The following C5orf46 variants were observed in gnomAD, a reference collection of about 807,000 sequenced individuals.
The protein encoded by C5orf46 is uncharacterized protein C5orf46.
Under a neutral mutation model 8.9 loss-of-function variants are expected in C5orf46, and 9 were observed. The ratio of observed to expected loss-of-function variants is 1.01; its 90% CI spans 0.61 to 1.76. The LOEUF (loss-of-function observed/expected upper bound fraction) is 1.76, where lower values mean the gene tolerates loss of function less well. Ranked by LOEUF, C5orf46 falls within the 40% of genes most tolerant of loss-of-function variation. The probability of loss-of-function intolerance (pLI) is 0.00; values close to 1 mark genes in which losing one functional copy is unlikely to be tolerated. For missense variants in C5orf46, 98 were observed against 107.8 expected (o/e 0.91, Z 0.40); for synonymous variants, 47 against 41.4 (o/e 1.14, Z -0.52).
chr5:147,897,710 T>C (rs375546966), intron 2 of C5orf46, among the ~76,000 whole-genome samples: 5 of 152,240 alleles, frequency 3.3e-5, no homozygotes, highest in African/African-American at 1.2e-4. Flanking sequence ...TCCCTGAATA[T>C]GAAAAACTGA....
intron 2 of C5orf46, among the ~76,000 whole-genome samples, chr5:147,900,196 A>G (rs1757645318): frequency 1.3e-5 from 2 of 152,172 alleles, no homozygotes; most frequent in African/African-American, 4.8e-5. Context: ...TCTTGTTTAC[A>G]TTAACAGTCT....
intron 2 of C5orf46, chr5:147,886,480 T>C (rs1398042073): frequency 2.0e-5 from 3 of 151,010 alleles, no homozygotes; most frequent in Non-Finnish European, 3.0e-5. Context: ...ATATGGAATA[T>C]AATTAACATG....
chr5:147,895,200 C>A (rs1757562630), intron 3 of C5orf46, among the ~76,000 whole-genome samples: 1 of 152,146 alleles, frequency 6.6e-6, no homozygotes, highest in African/African-American at 2.4e-5. Flanking sequence ...AGGTGGGCAT[C>A]CAAGTGATCA....
chr5:147,903,272 G>T (rs543127477), intron 1 of C5orf46, among the ~76,000 whole-genome samples: 1 of 152,294 alleles, frequency 6.6e-6, no homozygotes, highest in African/African-American at 2.4e-5. Context: ...AGGATGCCTA[G>T]TTAAATTTAA....
At chr5:147,898,825 C>T (rs1390714546) in intron 2 of C5orf46, among the ~76,000 whole-genome samples, 2 of 151,974 alleles carry the variant, frequency 1.3e-5, no homozygotes, top group African/African-American at 4.8e-5. Flanking sequence ...GTATATTTTT[C>T]AGAAAAATGA....
Position 147,900,674 on chromosome 5 carries a change from A to T in C5orf46, c.215+955T>A, listed in dbSNP as rs146920741. 8.5e-5 allele frequency among the ~76,000 whole-genome samples: 13 copies of T among 152,346 alleles called. No homozygotes were observed. The East Asian group carries it at 2.5e-3, about 29-fold the overall frequency. ...CAGAAAGATGCAAAATGGGATGCAG[A>T]AATCTGCATTTTTAAAAATAAATTC... On this transcript the variant is annotated intron_variant, in intron 2 of 3. Transcript: ENST00000318315.
chr5:147,893,141 G>A (rs1326414279), intron 3 of C5orf46, among the ~76,000 whole-genome samples: 2 of 152,040 alleles, frequency 1.3e-5, no homozygotes, highest in Non-Finnish European at 2.9e-5. Context: ...AAAATTCAGA[G>A]TATATAAAGA....
intron 1 of C5orf46, among the ~76,000 whole-genome samples, chr5:147,904,775 T>G (rs1443165702): frequency 6.6e-6 from 1 of 151,830 alleles, no homozygotes; most frequent in African/African-American, 2.4e-5. Context: ...ACTTTGCATC[T>G]CTCAGTTTCC....
At chr5:147,893,039 T>G (rs1757525573) in intron 3 of C5orf46, 100 bp from the exon 4 acceptor site, 1 of 152,228 alleles carries the variant, frequency 6.6e-6, no homozygotes. Flanking sequence ...CTTAAAATTT[T>G]TATGCTTCTG....
chr5:147,895,781 G>A (rs1055229684), intron 3 of C5orf46, among the ~76,000 whole-genome samples: 8 of 152,296 alleles, frequency 5.3e-5, no homozygotes, highest in Admixed American at 2.0e-4. Context: ...ACAAACATAA[G>A]TGACTGAGTT....
At chr5:147,888,930 T>C (rs1351567533), downstream of C5orf46, among the ~76,000 whole-genome samples, 24 of 152,308 alleles carry the variant, frequency 1.6e-4, no homozygotes, top group Admixed American at 1.4e-3. Flanking sequence ...TGTGAGTCCA[T>C]AAAGTGTCCA....
chr5:147,890,759 T>C (rs554875027), downstream of C5orf46, among the ~76,000 whole-genome samples: 10 of 152,052 alleles, frequency 6.6e-5, no homozygotes, highest in East Asian at 1.9e-3. Context: ...CTGACAAGGA[T>C]CCCAATATGG....
chr5:147,904,873 C>T lies in C5orf46; in HGVS notation c.70+1559G>A, dbSNP rs917505861. On this transcript the variant is annotated intron_variant, in intron 1 of 3. Coordinates refer to ENST00000318315, the MANE Select transcript of C5orf46 (RefSeq NM_206966.3). ...CATACATATATCTATATTATATATA[C>T]ATACATATATCATATATATACCACT... Among the ~76,000 whole-genome samples, 24 of 146,776 alleles carry T rather than the reference C, an allele frequency of 1.6e-4. No individual in the cohort carries two copies. The East Asian group carries it at 5.3e-3, about 32-fold the overall frequency.
At chr5:147,886,449 A>G (rs1417551692) in intron 2 of C5orf46, 2 of 147,554 alleles carry the variant, frequency 1.4e-5, no homozygotes, top group Non-Finnish European at 3.0e-5. Flanking sequence ...AGAAATATAT[A>G]CATATAATTA....
chr5:147,900,172 C>T (rs1757645153), intron 2 of C5orf46, among the ~76,000 whole-genome samples: 2 of 152,136 alleles, frequency 1.3e-5, no homozygotes, highest in South Asian at 4.1e-4. Context: ...CTATTGTCGG[C>T]CTATGACTTT....
downstream of C5orf46, among the ~76,000 whole-genome samples, chr5:147,889,101 A>G (rs1383567697): frequency 6.6e-6 from 1 of 152,148 alleles, no homozygotes; most frequent in African/African-American, 2.4e-5. Context: ...ATGTGCTTAT[A>G]CATATAAGCT....
chr5:147,903,714 T>C (rs1757706933), intron 1 of C5orf46, among the ~76,000 whole-genome samples: 1 of 152,124 alleles, frequency 6.6e-6, no homozygotes, highest in Non-Finnish European at 1.5e-5. Context: ...CAATGATTGG[T>C]TCCTTCATTC....
Position 147,901,666 on chromosome 5 carries a change from C to A in C5orf46, c.178G>T (p.Ala60Ser). 2 of 1,614,040 alleles carry A rather than the reference C, an allele frequency of 1.2e-6. No homozygotes were observed. The highest frequency in any genetic ancestry group is 1.7e-6 in the Non-Finnish European group (2 of 1,179,968). The change falls in exon 2 of 4, where the codon GCA (alanine) becomes TCA (serine). Residue 60 changes from alanine to serine, a missense_variant. Ala to Ser is a moderately conservative substitution (Grantham distance 99). Transcript: ENST00000318315. ...ATGGAGCGGAGGATGAACTCGACTG[C>A]ATTCTCAATGATCTCTGTGCCCAGG... The part of the protein sequence containing the change: ...SLLGTEIIEN[A>S]VEFILRSMSR...
At chr5:147,899,496 G>A (rs527914601) in intron 2 of C5orf46, among the ~76,000 whole-genome samples, 1 of 152,276 alleles carries the variant, frequency 6.6e-6, no homozygotes, top group Admixed American at 6.5e-5. Flanking sequence ...TCAAATTGAG[G>A]TAGATGGGCT....
Sources: gnomAD v4.1 joint callset for allele counts (sites outside exome capture counted in the v4.1 genomes callset) on GRCh38, gnomAD v4.1.1 for gene constraint, MANE v1.5 for transcripts, NCBI Gene and HGNC (gene_info 2026-07-23, HGNC 2026-07-21) for gene names.